The following KATNIP variants were observed in gnomAD, a reference collection of about 807,000 sequenced individuals.
KATNIP encodes katanin-interacting protein.
A neutral mutation model predicts 174.0 loss-of-function variants in KATNIP; 126 were observed. The observed-to-expected ratio is 0.72, with a 90% confidence interval of 0.63 to 0.84. The LOEUF is 0.84. KATNIP is among the 40% of genes least tolerant of loss of function. The pLI, the probability that KATNIP is intolerant of heterozygous loss-of-function variation, is 0.00. For synonymous variants in KATNIP, 810 were observed against 835.7 expected (o/e 0.97, Z 0.53); for missense variants, 1,958 against 2,109.7 (o/e 0.93, Z 1.41).
intron 1 of KATNIP, among the ~76,000 whole-genome samples, chr16:27,572,339 CTTT>C (rs375488458): frequency 1.2e-4 from 18 of 144,938 alleles, no homozygotes; most frequent in African/African-American, 4.6e-4. Flanking sequence ...ATCCTAGGTT[CTTT>C]GTCTTAAGGC....
intron 5 of KATNIP, chr16:27,644,527 C>A (rs233464): frequency 0.86 from 130,350 of 152,130 alleles, 55,903 homozygotes; most frequent in East Asian, 1. Flanking sequence ...TTCTTTAGAG[C>A]CAGGATCTCG....
intron 21 of KATNIP, among the ~76,000 whole-genome samples, chr16:27,770,866 G>A (rs1369427644): frequency 6.6e-6 from 1 of 152,146 alleles, no homozygotes; most frequent in Non-Finnish European, 1.5e-5. Flanking sequence ...AAGCCATCAG[G>A]GCTGTGCCTG....
rs772161112 is a variant in KATNIP, at chr16:27,771,627, C to T, written c.4173C>T (p.Tyr1391=). The T allele has an allele frequency of 6.8e-6, 11 of 1,613,346 alleles. No homozygotes were observed. Among genetic ancestry groups the T allele is most frequent in the African/African-American group, 2.7e-5 (2 of 74,896 alleles). ...MRSLECASMD[Y]EAPLMPCGFI... is the part of the protein sequence containing the mutation. ...GCCTGGAGTGTGCAAGCATGGACTA[C>T]GAGGCACCGCTGATGCCCTGTGGCT... Residue 1391 remains tyrosine, a synonymous_variant, in exon 22 of 28, where the codon TAC becomes TAT. Transcript: ENST00000261588.
chr16:27,710,693 G>A (rs902005991), intron 13 of KATNIP, among the ~76,000 whole-genome samples: 3 of 152,020 alleles, frequency 2.0e-5, no homozygotes, highest in Non-Finnish European at 2.9e-5. Context: ...TTATAGAGAC[G>A]GGGTCTCACT....
At chr16:27,701,405 T>G in intron 10 of KATNIP, 184 bp from the exon 11 acceptor site, 4 of 530,750 alleles carry the variant, frequency 7.5e-6, no homozygotes, top group Non-Finnish European at 7.0e-6. Flanking sequence ...CCTCGGAAGC[T>G]GAGATGGTGT....
chr16:27,604,400 C>G (rs1365899241), intron 2 of KATNIP, among the ~76,000 whole-genome samples: 2 of 152,184 alleles, frequency 1.3e-5, no homozygotes, highest in Non-Finnish European at 2.9e-5. Context: ...CGCCCAGCTA[C>G]TTTAAAAAAT....
chr16:27,720,496 CTT>C (rs56263804), intron 13 of KATNIP, among the ~76,000 whole-genome samples: 2 of 124,568 alleles, frequency 1.6e-5, no homozygotes, highest in Non-Finnish European at 1.6e-5. Context: ...GGGTTTTGTT[CTT>C]TTTTTTTTTT....
At chr16:27,574,728 C>G (rs1313096541) in intron 2 of KATNIP, among the ~76,000 whole-genome samples, 1 of 151,934 alleles carries the variant, frequency 6.6e-6, no homozygotes, top group Non-Finnish European at 1.5e-5. Flanking sequence ...CCAAGCCCGG[C>G]TAATTTTGTA....
chr16:27,753,521 A>C (rs1480296766), intron 17 of KATNIP, among the ~76,000 whole-genome samples: 1 of 152,180 alleles, frequency 6.6e-6, no homozygotes, highest in African/African-American at 2.4e-5. Context: ...CAAATAGTTT[A>C]TATGTAAGGC....
At chr16:27,588,027 G>T (rs187206957) in intron 2 of KATNIP, among the ~76,000 whole-genome samples, 2 of 151,442 alleles carry the variant, frequency 1.3e-5, no homozygotes, top group Non-Finnish European at 2.9e-5. Context: ...GGTGGCTGGG[G>T]ACTATGGGCA....
intron 6 of KATNIP, among the ~76,000 whole-genome samples, chr16:27,655,086 G>GC (rs1449833140): frequency 6.7e-6 from 1 of 150,352 alleles, no homozygotes; most frequent in Non-Finnish European, 1.5e-5. Context: ...CTATGATTGT[G>GC]CTACTGCATG....
chr16:27,587,901 T>A (rs540901103), intron 2 of KATNIP, among the ~76,000 whole-genome samples: 45 of 151,532 alleles, frequency 3.0e-4, no homozygotes, highest in African/African-American at 1.1e-3. Flanking sequence ...TTCCCTTTCC[T>A]TTTTCTTTTC....
intron 20 of KATNIP, among the ~76,000 whole-genome samples, chr16:27,769,589 G>A (rs1351529494): frequency 6.6e-6 from 1 of 152,232 alleles, no homozygotes; most frequent in African/African-American, 2.4e-5. Flanking sequence ...CGCTGCAGCT[G>A]TTGAGGTGGG....
At chr16:27,676,972 C>T (rs1567288603) in intron 6 of KATNIP, among the ~76,000 whole-genome samples, 3 of 152,118 alleles carry the variant, frequency 2.0e-5, no homozygotes, top group African/African-American at 4.8e-5. Context: ...GTCCCAGCTC[C>T]GTTTATACTT....
intron 2 of KATNIP, among the ~76,000 whole-genome samples, chr16:27,593,115 ACTTT>A (rs1453904032): frequency 4.6e-5 from 7 of 151,952 alleles, no homozygotes; most frequent in African/African-American, 1.2e-4. Flanking sequence ...GTACAAATCG[ACTTT>A]CTTTCTTTCT....
At chr16:27,664,814 G>A (rs1597105582) in intron 6 of KATNIP, among the ~76,000 whole-genome samples, 1 of 152,256 alleles carries the variant, frequency 6.6e-6, no homozygotes. Flanking sequence ...CACTAAGTGG[G>A]CCTTTTCAGC....
In KATNIP at chr16:27,703,988, C is replaced by T. The variant is rs1342734814; in HGVS notation, c.1379C>T (p.Ser460Leu). The T allele has an allele frequency of 6.2e-7, 1 of 1,613,748 alleles. No homozygotes were observed. The highest frequency in any genetic ancestry group is 2.2e-5 in the East Asian group (1 of 44,900). The change falls in exon 12 of 28, where the codon TCA (serine) becomes TTA (leucine). Residue 460 changes from serine (S) to leucine (L), a missense_variant. Ser to Leu is a moderately radical substitution (Grantham distance 145). Coordinates refer to ENST00000261588, the MANE Select transcript of KATNIP (RefSeq NM_015202.5). Reference sequence around the variant, plus strand: ...GTTTCACCAACCAAGGAGCAAGTATCAGACACAGAGGTGAGAGCCTTGACT... The same window carrying T: ...GTTTCACCAACCAAGGAGCAAGTATTAGACACAGAGGTGAGAGCCTTGACT... The part of the protein sequence containing the change: ...RVVSPTKEQV[S>L]DTEDKQRMRA...
At chr16:27,644,081 G>C (rs1455267198) in intron 5 of KATNIP, among the ~76,000 whole-genome samples, 1 of 145,906 alleles carries the variant, frequency 6.9e-6, no homozygotes, top group Non-Finnish European at 1.5e-5. Context: ...GAGTGCAGAG[G>C]TGCGATCTCG....
intron 15 of KATNIP, among the ~76,000 whole-genome samples, chr16:27,748,770 C>A (rs530727561): frequency 1.3e-5 from 2 of 151,416 alleles, no homozygotes; most frequent in Non-Finnish European, 2.9e-5. Flanking sequence ...GGCAACAGAG[C>A]GAGACCCTGT....
Sources: gnomAD v4.1 joint callset for allele counts (sites outside exome capture counted in the v4.1 genomes callset) on GRCh38, gnomAD v4.1.1 for gene constraint, MANE v1.5 for transcripts, NCBI Gene and HGNC (gene_info 2026-07-23, HGNC 2026-07-21) for gene names.